The following NELL1 variants were observed in gnomAD, a reference collection of about 807,000 sequenced individuals.
The protein encoded by NELL1 is protein kinase C-binding protein NELL1.
A neutral mutation model predicts 107.4 loss-of-function variants in NELL1; 76 were observed. That is an observed-to-expected ratio of 0.71 (90% confidence interval 0.59 to 0.86). The LOEUF is 0.86. Among genes scored for constraint, NELL1 ranks in the 40% least tolerant of loss-of-function variants. The pLI is 0.00. For synonymous variants in NELL1, 353 were observed against 341.2 expected, an observed-to-expected ratio of 1.03 and a Z score of -0.38; for missense variants, 1,024 against 1,005.5, an observed-to-expected ratio of 1.02 and a Z score of -0.25.
chr11:21,476,471 A>C (rs1854335559), intron 15 of NELL1, among the ~76,000 whole-genome samples: 1 of 152,190 alleles, frequency 6.6e-6, no homozygotes, highest in South Asian at 2.1e-4. Context: ...AAAGATAATT[A>C]TCTTTTTATG....
intron 14 of NELL1, among the ~76,000 whole-genome samples, chr11:21,313,531 C>G (rs572751777): frequency 6.6e-6 from 1 of 152,266 alleles, no homozygotes; most frequent in Non-Finnish European, 1.5e-5. Flanking sequence ...CACCTACTGT[C>G]TTAGTCCATT....
chr11:20,784,635 A>T (rs1856917893), intron 3 of NELL1, among the ~76,000 whole-genome samples: 1 of 152,202 alleles, frequency 6.6e-6, no homozygotes, highest in Non-Finnish European at 1.5e-5. Context: ...CCCCTAGGCA[A>T]TGGGTTTTAA....
intron 13 of NELL1, among the ~76,000 whole-genome samples, chr11:21,125,212 G>A (rs182412703): frequency 6.6e-6 from 1 of 152,144 alleles, no homozygotes; most frequent in African/African-American, 2.4e-5. Flanking sequence ...CCAAGACAAA[G>A]AGAGATACTA....
In NELL1 at chr11:20,806,949, G is replaced by A. The variant is rs1857397645; in HGVS notation, c.335+23119G>A. Among the ~76,000 whole-genome samples the A allele has an allele frequency of 2.6e-5, 4 of 151,796 alleles. No individual in the cohort carries two copies. In the South Asian group the frequency reaches 6.2e-4, roughly 24 times the overall value. ...ATAGGATTCTGAATTCCTTCTCTGC[G>A]TTATCTTCAATTTCTTTGACTTTCC... On this transcript the variant is annotated intron_variant, in intron 3 of 19. Transcript: ENST00000357134.
At chr11:20,975,916 A>C (rs922287277) in intron 12 of NELL1, among the ~76,000 whole-genome samples, 1 of 89,588 alleles carries the variant, frequency 1.1e-5, no homozygotes, top group African/African-American at 5.4e-5. Context: ...GTATTATATA[A>C]ACACACATAT....
At chr11:21,192,181 G>A (rs1474356393) in intron 13 of NELL1, among the ~76,000 whole-genome samples, 1 of 151,766 alleles carries the variant, frequency 6.6e-6, no homozygotes, top group East Asian at 1.9e-4. Context: ...TGCTTATAAT[G>A]TCTGAATGTA....
chr11:21,135,195 G>C (rs1411831992), intron 13 of NELL1, among the ~76,000 whole-genome samples: 1 of 152,190 alleles, frequency 6.6e-6, no homozygotes, highest in Non-Finnish European at 1.5e-5. Flanking sequence ...GGAACATGTA[G>C]ATCATAAGAG....
chr11:20,857,036 G>A (rs1848894416), intron 4 of NELL1, among the ~76,000 whole-genome samples: 1 of 152,200 alleles, frequency 6.6e-6, no homozygotes, highest in Admixed American at 6.5e-5. Flanking sequence ...TATAATCACA[G>A]CCATAACATG....
chr11:20,953,480 T>G (rs996923311), intron 11 of NELL1, among the ~76,000 whole-genome samples: 7 of 152,040 alleles, frequency 4.6e-5, no homozygotes, highest in Admixed American at 3.3e-4. Context: ...ATTTGGAGAG[T>G]GGCAGTGTGG....
intron 13 of NELL1, among the ~76,000 whole-genome samples, chr11:21,137,895 T>G (rs566144181): frequency 1.3e-5 from 2 of 152,286 alleles, no homozygotes; most frequent in South Asian, 4.1e-4. Flanking sequence ...TCAGTACATT[T>G]TCTGTAACAT....
intron 14 of NELL1, among the ~76,000 whole-genome samples, chr11:21,235,935 C>T (rs993356006): frequency 5.3e-5 from 8 of 152,072 alleles, no homozygotes; most frequent in South Asian, 4.1e-4. Flanking sequence ...GCACTCAAGG[C>T]CCTGTGACAT....
At chr11:21,332,913 G>A (rs1042185607) in intron 14 of NELL1, among the ~76,000 whole-genome samples, 4 of 151,760 alleles carry the variant, frequency 2.6e-5, no homozygotes, top group Non-Finnish European at 5.9e-5. Flanking sequence ...ATTATTTTTG[G>A]TATAAGTTAT....
intron 5 of NELL1, among the ~76,000 whole-genome samples, chr11:20,913,344 C>A (rs762688003): frequency 2.6e-5 from 4 of 152,002 alleles, no homozygotes; most frequent in Non-Finnish European, 5.9e-5. Flanking sequence ...GAAATAAGAG[C>A]GTTAAAAAAG....
Position 20,672,031 on chromosome 11 carries a change from T to C in NELL1, c.55+2253T>C, listed in dbSNP as rs1269175307. 4.6e-5 allele frequency among the ~76,000 whole-genome samples: 7 copies of C among 152,340 alleles called. No homozygotes were observed. In the East Asian group the frequency reaches 1.2e-3, roughly 25 times the overall value. ...GCCTAGGGAGCTTGGGTTCTCAATG[T>C]CACTTGGCACTATTTGAACACTAGA... On this transcript the variant is annotated intron_variant, in intron 1 of 19. Coordinates refer to ENST00000357134, the MANE Select transcript of NELL1 (RefSeq NM_006157.5).
intron 13 of NELL1, among the ~76,000 whole-genome samples, chr11:21,192,517 A>G (rs1243030701): frequency 6.6e-6 from 1 of 151,904 alleles, no homozygotes; most frequent in African/African-American, 2.4e-5. Flanking sequence ...AGTGAGCATT[A>G]GGCTATTACT....
chr11:21,309,262 A>ATATG (rs1565160211), intron 14 of NELL1, among the ~76,000 whole-genome samples: 16 of 24,990 alleles, frequency 6.4e-4, no homozygotes, highest in African/African-American at 2.4e-3. Context: ...ATATATATGT[A>ATATG]TATATATATA....
intron 3 of NELL1, 85 bp downstream of exon 3, chr11:20,783,915 C>T (rs1204507372): frequency 1.5e-6 from 2 of 1,327,436 alleles, no homozygotes; most frequent in Admixed American, 5.4e-5. Flanking sequence ...TTTGTAGCCC[C>T]ATGAAAACTT....
intron 14 of NELL1, among the ~76,000 whole-genome samples, chr11:21,234,618 A>T (rs890858539): frequency 6.6e-6 from 1 of 152,192 alleles, no homozygotes; most frequent in Non-Finnish European, 1.5e-5. Flanking sequence ...TCTTTATTTT[A>T]AGGCTCTCCA....
intron 15 of NELL1, among the ~76,000 whole-genome samples, chr11:21,432,752 C>T (rs1396915668): frequency 1.3e-5 from 2 of 151,990 alleles, no homozygotes; most frequent in African/African-American, 2.4e-5. Flanking sequence ...AATAATTATA[C>T]TTATTTATGG....
Sources: gnomAD v4.1 joint callset for allele counts (sites outside exome capture counted in the v4.1 genomes callset) on GRCh38, gnomAD v4.1.1 for gene constraint, MANE v1.5 for transcripts, NCBI Gene and HGNC (gene_info 2026-07-23, HGNC 2026-07-21) for gene names.